The following TENM3 variants were observed in gnomAD, a reference collection of about 807,000 sequenced individuals.
The protein encoded by TENM3 is teneurin transmembrane protein 3.
In TENM3, 63 loss-of-function variants were observed where a neutral mutation model predicts 255.1. The observed-to-expected ratio is 0.25, with a 90% confidence interval of 0.20 to 0.30. The LOEUF (loss-of-function observed/expected upper bound fraction) is 0.30, where lower values mean the gene tolerates loss of function less well. Ranked by LOEUF, TENM3 falls within the 10% of genes least tolerant of loss-of-function variation. TENM3 has a pLI of 1.00. For missense variants in TENM3, 2,929 were observed against 3,461.1 expected (o/e 0.85, Z 3.86); for synonymous variants, 1,306 against 1,322.3 (o/e 0.99, Z 0.27).
the TENM3 span, among the ~76,000 whole-genome samples, chr4:181,591,728 G>A: frequency 1.3e-5 from 2 of 152,152 alleles, no homozygotes; most frequent in Non-Finnish European, 2.9e-5. Context: ...AGGGATCCAG[G>A]TTGCACACTC....
chr4:182,083,286 A>G, the TENM3 span, among the ~76,000 whole-genome samples: 7 of 152,190 alleles, frequency 4.6e-5, no homozygotes, highest in Non-Finnish European at 1.5e-5. Context: ...AGAACAGGGG[A>G]AAGTTTAATC....
the TENM3 span, among the ~76,000 whole-genome samples, chr4:181,479,792 G>C: frequency 2.0e-5 from 3 of 152,096 alleles, no homozygotes; most frequent in Non-Finnish European, 2.9e-5. Flanking sequence ...TACATTCGAA[G>C]ATGTCAGTTC....
chr4:181,464,190 G>T, the TENM3 span, among the ~76,000 whole-genome samples: 1 of 152,146 alleles, frequency 6.6e-6, no homozygotes, highest in Non-Finnish European at 1.5e-5. Flanking sequence ...ACTGACTCAC[G>T]TGGCAAATCA....
chr4:182,648,370 G>T (rs554422918), intron 5 of TENM3, among the ~76,000 whole-genome samples: 1 of 149,414 alleles, frequency 6.7e-6, no homozygotes, highest in African/African-American at 2.5e-5. Context: ...TGCAACCTCC[G>T]CCTCCCAGGT....
chr4:182,058,576 C>CG, the TENM3 span, among the ~76,000 whole-genome samples: 27 of 152,132 alleles, frequency 1.8e-4, no homozygotes, highest in African/African-American at 6.5e-4. Context: ...GCTTTTGCAA[C>CG]TTTTTTCTTT....
the TENM3 span, among the ~76,000 whole-genome samples, chr4:181,726,318 A>C: frequency 1.3e-5 from 2 of 152,138 alleles, no homozygotes; most frequent in Non-Finnish European, 1.5e-5. Context: ...GAAATGTCAG[A>C]GGGCTTTATG....
chr4:182,163,582 A>G (rs1579564639), intron 1 of TENM3, among the ~76,000 whole-genome samples: 2 of 152,292 alleles, frequency 1.3e-5, no homozygotes, highest in East Asian at 3.9e-4. Context: ...TTCTACATCT[A>G]TTTAGCATTT....
chr4:181,586,881 CAAAAG>C, the TENM3 span, among the ~76,000 whole-genome samples: 1 of 151,788 alleles, frequency 6.6e-6, no homozygotes, highest in Non-Finnish European at 1.5e-5. Flanking sequence ...CAAACAAAAA[CAAAAG>C]AAGCAGATCA....
chr4:181,779,544 A>T, the TENM3 span, among the ~76,000 whole-genome samples: 1 of 152,008 alleles, frequency 6.6e-6, no homozygotes, highest in Admixed American at 6.6e-5. Flanking sequence ...TTATATTATA[A>T]TTTTTGATTT....
chr4:181,671,562 A>G, the TENM3 span, among the ~76,000 whole-genome samples: 1 of 152,192 alleles, frequency 6.6e-6, no homozygotes, highest in Admixed American at 6.5e-5. Context: ...AGTCAGTAGC[A>G]GAATGAAATA....
chr4:182,383,432 A>G (rs1767701116), intron 3 of TENM3, among the ~76,000 whole-genome samples: 1 of 152,270 alleles, frequency 6.6e-6, no homozygotes, highest in African/African-American at 2.4e-5. Context: ...AGTCTTTGTC[A>G]GTGTGACAAG....
chr4:182,524,151 C>T (rs1484948608), intron 3 of TENM3, among the ~76,000 whole-genome samples: 1 of 152,046 alleles, frequency 6.6e-6, no homozygotes, highest in Non-Finnish European at 1.5e-5. Context: ...ACAATAGTTG[C>T]TGAAGTTTAT....
chr4:182,690,714 T>C (rs1201373086), intron 12 of TENM3, among the ~76,000 whole-genome samples: 1 of 152,196 alleles, frequency 6.6e-6, no homozygotes, highest in Non-Finnish European at 1.5e-5. Flanking sequence ...ATTTTAGTGT[T>C]GTTCTCAGTG....
the TENM3 span, among the ~76,000 whole-genome samples, chr4:181,738,627 G>A: frequency 1.3e-5 from 2 of 151,836 alleles, no homozygotes; most frequent in Non-Finnish European, 2.9e-5. Context: ...GTTTTCTCTC[G>A]AGTCCCTGTA....
intron 3 of TENM3, among the ~76,000 whole-genome samples, chr4:182,587,240 G>A (rs1209751246): frequency 6.6e-6 from 1 of 151,914 alleles, no homozygotes; most frequent in Non-Finnish European, 1.5e-5. Flanking sequence ...GGAACTACAG[G>A]CACATACCAC....
the TENM3 span, among the ~76,000 whole-genome samples, chr4:181,819,653 C>T: frequency 9.9e-5 from 15 of 152,256 alleles, no homozygotes; most frequent in Middle Eastern, 3.4e-3. Context: ...GTTGCACCTC[C>T]GATCATCAGG....
chr4:182,407,161 G>T (rs1769638060), intron 3 of TENM3, among the ~76,000 whole-genome samples: 1 of 149,492 alleles, frequency 6.7e-6, no homozygotes, highest in African/African-American at 2.5e-5. Flanking sequence ...TCTCAGTTCA[G>T]TTCTGGTGGA....
the TENM3 span, among the ~76,000 whole-genome samples, chr4:182,064,644 CA>C: frequency 6.6e-6 from 1 of 151,968 alleles, no homozygotes; most frequent in African/African-American, 2.4e-5. Context: ...ATGGTTAAAT[CA>C]AGAAGAGATG....
intron 24 of TENM3, among the ~76,000 whole-genome samples, chr4:182,780,916 G>C (rs926408811): frequency 7.3e-5 from 11 of 151,244 alleles, no homozygotes; most frequent in African/African-American, 2.7e-4. Flanking sequence ...TGTATCCTGA[G>C]ACTTTGCTGA....
Sources: allele counts gnomAD v4.1 joint callset (sites outside exome capture counted in the v4.1 genomes callset), GRCh38; gene constraint gnomAD v4.1.1; transcripts MANE v1.5; gene names NCBI Gene and HGNC (gene_info 2026-07-23, HGNC 2026-07-21).